The following FAR2 variants were observed in gnomAD, a reference collection of about 807,000 sequenced individuals.
The protein encoded by FAR2 is epididymis secretory protein Li 81.
A neutral mutation model predicts 56.0 loss-of-function variants in FAR2; 19 were observed. The ratio of observed to expected loss-of-function variants is 0.34; its 90% confidence interval spans 0.24 to 0.50. The LOEUF (loss-of-function observed/expected upper bound fraction) is 0.50, where lower values mean the gene tolerates loss of function less well. FAR2 is among the 20% of genes least tolerant of loss of function. The pLI, the probability that FAR2 is intolerant of heterozygous loss-of-function variation, is 0.98. For synonymous variants in FAR2, 219 were observed against 218.8 expected, an observed-to-expected ratio of 1.00 and a Z score of -0.01; for missense variants, 508 against 642.2, an observed-to-expected ratio of 0.79 and a Z score of 2.26.
At chr12:29,287,673 T>G (rs895651159) in intron 2 of FAR2, among the ~76,000 whole-genome samples, 3 of 152,230 alleles carry the variant, frequency 2.0e-5, no homozygotes, top group African/African-American at 7.2e-5. Context: ...AATGTAGTTA[T>G]TTTTGAAGAG....
chr12:29,236,398 A>G (rs1947942219), intron 1 of FAR2, among the ~76,000 whole-genome samples: 2 of 152,082 alleles, frequency 1.3e-5, no homozygotes, highest in Non-Finnish European at 2.9e-5. Context: ...TCATTAGTCC[A>G]TTTTCACACT....
intron 1 of FAR2, among the ~76,000 whole-genome samples, chr12:29,256,245 T>C (rs1488330955): frequency 6.6e-6 from 1 of 152,110 alleles, no homozygotes; most frequent in Admixed American, 6.6e-5. Context: ...TAGAGGGCAG[T>C]GGCGCCATCA....
chr12:29,306,423 C>T (rs1184793395), intron 4 of FAR2, among the ~76,000 whole-genome samples: 1 of 152,136 alleles, frequency 6.6e-6, no homozygotes, highest in Non-Finnish European at 1.5e-5. Context: ...CTGAATAAGT[C>T]TTAACATCAT....
At chr12:29,265,475 T>G (rs1591908601) in intron 1 of FAR2, among the ~76,000 whole-genome samples, 1 of 152,194 alleles carries the variant, frequency 6.6e-6, no homozygotes, top group Admixed American at 6.5e-5. Flanking sequence ...GATATCTATA[T>G]GCAGAAGAAT....
intron 1 of FAR2, among the ~76,000 whole-genome samples, chr12:29,264,247 A>T (rs931822798): frequency 2.6e-5 from 4 of 152,174 alleles, no homozygotes; most frequent in African/African-American, 9.7e-5. Flanking sequence ...GTTAATGCTG[A>T]AAAAAGCATT....
At chr12:29,196,168 G>A (rs1341094801) in intron 1 of FAR2, among the ~76,000 whole-genome samples, 1 of 152,062 alleles carries the variant, frequency 6.6e-6, no homozygotes, top group Non-Finnish European at 1.5e-5. Context: ...TACAAGTGCA[G>A]GTGCCTTTTT....
rs1948329601 is a variant in FAR2 at position 29,257,020 on chromosome 12, G to T, written c.-38-13392G>T. ...TCCCATCGACCACCCAAGGACTGAG[G>T]AGTGCGGGTGCACGGCGCGGGACTG... On this transcript the variant is annotated intron_variant, in intron 1 of 11. Transcript: ENST00000536681. Among the ~76,000 whole-genome samples the T allele has an allele frequency of 2.6e-5, 4 of 152,246 alleles. 1 individual carries two copies. In the South Asian group the frequency reaches 8.3e-4, roughly 32 times the overall value.
chr12:29,295,359 C>G (rs1949044616), intron 3 of FAR2, among the ~76,000 whole-genome samples: 1 of 152,184 alleles, frequency 6.6e-6, no homozygotes, highest in Non-Finnish European at 1.5e-5. Flanking sequence ...CAGGCGTGAG[C>G]CACCGTGCCC....
At chr12:29,303,367 T>C (rs1014048517) in intron 4 of FAR2, among the ~76,000 whole-genome samples, 1 of 152,298 alleles carries the variant, frequency 6.6e-6, no homozygotes, top group South Asian at 2.1e-4. Context: ...ATTTATCTTC[T>C]TTATCTCTAT....
In FAR2 at chr12:29,311,157, T is replaced by G. The variant is rs775413976; in HGVS notation, c.887+11T>G. ...TACTGCAGTTCACAGGTGTGGATGC[T>G]CAAGTGGGCTTTCAAAGACTTCATG... On this transcript the variant is annotated intron_variant, in intron 7 of 11. Transcript: ENST00000536681. 1 of 1,586,342 alleles carries G rather than the reference T, an allele frequency of 6.3e-7. No individual in the cohort carries two copies. Among genetic ancestry groups the G allele is most frequent in the East Asian group, 2.2e-5 (1 of 44,730 alleles).
At chr12:29,292,698 G>A (rs956369668) in intron 2 of FAR2, among the ~76,000 whole-genome samples, 4 of 152,300 alleles carry the variant, frequency 2.6e-5, no homozygotes, top group Non-Finnish European at 5.9e-5. Context: ...TAATGAAGAT[G>A]ACTAGGAAAG....
intron 1 of FAR2, among the ~76,000 whole-genome samples, chr12:29,183,834 G>A (rs1950013390): frequency 6.6e-6 from 1 of 152,096 alleles, no homozygotes; most frequent in South Asian, 2.1e-4. Context: ...GCACAATCAT[G>A]TATCATTCAT....
At chr12:29,195,364 C>T (rs986087882) in intron 1 of FAR2, among the ~76,000 whole-genome samples, 1 of 152,142 alleles carries the variant, frequency 6.6e-6, no homozygotes, top group African/African-American at 2.4e-5. Flanking sequence ...CTTTCTGTTG[C>T]TTATGAAGTC....
rs570960527 is a variant in FAR2 at position 29,313,748 on chromosome 12, T to G, written c.955+1798T>G. Among the ~76,000 whole-genome samples the G allele has an allele frequency of 2.3e-4, 35 of 152,268 alleles. No homozygotes were observed. The South Asian group carries it at 7.0e-3, about 31-fold the overall frequency. On this transcript the variant is annotated intron_variant, in intron 8 of 11. Transcript: ENST00000536681. ...GTCCTAAACTGTATTTATAATTATG[T>G]TTCTCTTTTAATTCATAATAGTTGT...
intron 1 of FAR2, chr12:29,171,800 C>T (rs4931158): frequency 0.74 from 113,002 of 152,510 alleles, 43,928 homozygotes; most frequent in East Asian, 0.9. Context: ...CACCTCTGCC[C>T]GGCCGCTGCC....
At chr12:29,168,022 G>A (rs1949846858) in intron 1 of FAR2, among the ~76,000 whole-genome samples, 1 of 152,184 alleles carries the variant, frequency 6.6e-6, no homozygotes, top group African/African-American at 2.4e-5. Context: ...AAATAAATGT[G>A]CATACCCTCA....
chr12:29,285,155 T>C (rs906421153), intron 2 of FAR2, among the ~76,000 whole-genome samples: 9 of 152,096 alleles, frequency 5.9e-5, no homozygotes, highest in African/African-American at 2.2e-4. Context: ...TACTGCTAAG[T>C]TTCTTGTTAA....
intron 1 of FAR2, among the ~76,000 whole-genome samples, chr12:29,190,188 C>A (rs35121122): frequency 0.039 from 5,861 of 152,182 alleles, 329 homozygotes; most frequent in African/African-American, 0.13. Flanking sequence ...AATGAGCGGG[C>A]ACACCTAGGA....
intron 1 of FAR2, among the ~76,000 whole-genome samples, chr12:29,166,349 C>T (rs965853546): frequency 1.3e-5 from 2 of 152,086 alleles, no homozygotes; most frequent in African/African-American, 4.8e-5. Flanking sequence ...CCTTGGAGGA[C>T]TTATTATGTC....
Sources: allele counts gnomAD v4.1 joint callset (sites outside exome capture counted in the v4.1 genomes callset), GRCh38; gene constraint gnomAD v4.1.1; transcripts MANE v1.5; gene names NCBI Gene and HGNC (gene_info 2026-07-23, HGNC 2026-07-21).